Variants in DOCK8 observed in about 807,000 individuals in gnomAD.
DOCK8 encodes the protein dedicator of cytokinesis protein 8.
DOCK8 carries 141 observed loss-of-function variants against 245.6 expected under a neutral mutation model. The ratio of observed to expected loss-of-function variants is 0.57; its 90% CI spans 0.50 to 0.66. The LOEUF is 0.66. Ranked by LOEUF, DOCK8 falls within the 30% of genes least tolerant of loss-of-function variation. The pLI is 0.00. For synonymous variants in DOCK8, 1,168 were observed against 970.2 expected (o/e 1.20, Z -3.79); for missense variants, 2,965 against 2,603.4 (o/e 1.14, Z -3.02).
At chr9:423,886 T>A (rs1307342480) in intron 33 of DOCK8, among the ~76,000 whole-genome samples, 11 of 152,282 alleles carry the variant, frequency 7.2e-5, no homozygotes, top group Non-Finnish European at 4.4e-5. Flanking sequence ...CTGGGCTGTG[T>A]AAACTGGTGT....
chr9:215,069 GC>G, intron 1 of DOCK8, 40 bp downstream of exon 1: 1 of 1,545,946 alleles, frequency 6.5e-7, no homozygotes, highest in Non-Finnish European at 8.7e-7. Flanking sequence ...CGGCCGGACA[GC>G]CCAGCGCTGG....
At chr9:376,059 G>A (rs1034508100) in intron 18 of DOCK8, 151 bp from the exon 19 acceptor site, 1 of 682,878 alleles carries the variant, frequency 1.5e-6, no homozygotes, top group Non-Finnish European at 2.6e-6. Flanking sequence ...TGAATCCAGG[G>A]CTCCTGACTC....
Position 422,167 on chromosome 9 carries a change from A to G in DOCK8, c.4241+32A>G, listed in dbSNP as rs772664185. The G allele has an allele frequency of 1.0e-5, 16 of 1,580,388 alleles. No individual in the cohort carries two copies. The Admixed American group carries it at 2.7e-4, about 26-fold the overall frequency. On this transcript the variant is annotated intron_variant, in intron 33 of 47. Coordinates refer to ENST00000432829, the MANE Select transcript of DOCK8 (RefSeq NM_203447.4). ...CACTCGGCAACTTTCTGCTACTTTTACCTAAAGTCCAAAACTATTTTTCCC... is the reference window on the plus strand; with the variant it reads ...CACTCGGCAACTTTCTGCTACTTTTGCCTAAAGTCCAAAACTATTTTTCCC...
intron 39 of DOCK8, among the ~76,000 whole-genome samples, chr9:436,160 A>G (rs1389028744): frequency 1.3e-5 from 2 of 152,352 alleles, no homozygotes; most frequent in Non-Finnish European, 2.9e-5. Flanking sequence ...AAAGCTGGGT[A>G]TTGCCTCCTA....
chr9:329,007 T>A, intron 9 of DOCK8, among the ~76,000 whole-genome samples: 1 of 140,208 alleles, frequency 7.1e-6, no homozygotes, highest in African/African-American at 2.7e-5. Flanking sequence ...TGGAGTGCAG[T>A]GTCACCATGT....
chr9:333,492 T>A lies in DOCK8; in HGVS notation c.1126-733T>A, dbSNP rs145500938. On this transcript the variant is annotated intron_variant, in intron 10 of 47. Coordinates refer to ENST00000432829, the MANE Select transcript of DOCK8 (RefSeq NM_203447.4). Reference sequence around the variant, plus strand: ...GGCACGTGCCTGTATTCCCAGCTTCTCAGGAGGCTGAGGCAGGAGAATAGC... The same window carrying A: ...GGCACGTGCCTGTATTCCCAGCTTCACAGGAGGCTGAGGCAGGAGAATAGC... 3.2e-3 allele frequency among the ~76,000 whole-genome samples: 487 copies of A among 152,056 alleles called. 3 individuals are homozygous for A. Among genetic ancestry groups the A allele is most frequent in the African/African-American group, 0.011 (465 of 41,464 alleles).
At chr9:438,095 A>G (rs1229725767) in intron 39 of DOCK8, among the ~76,000 whole-genome samples, 1 of 152,220 alleles carries the variant, frequency 6.6e-6, no homozygotes, top group Non-Finnish European at 1.5e-5. Flanking sequence ...GCCTCCTCCT[A>G]TATTCCTAAA....
intron 6 of DOCK8, among the ~76,000 whole-genome samples, chr9:314,128 C>G (rs1258224596): frequency 6.6e-6 from 1 of 152,224 alleles, no homozygotes; most frequent in Non-Finnish European, 1.5e-5. Context: ...ATACATATGA[C>G]TACCTGGTAT....
In DOCK8 at chr9:448,965, G is replaced by C. The variant is rs887968924; in HGVS notation, c.5818-819G>C. On this transcript the variant is annotated intron_variant, in intron 44 of 47. Transcript: ENST00000432829. Reference sequence around the variant, plus strand: ...TTTACTGGAAATTCACCCTCAGTTGGAGAAGGCACAGGTGATATCAAAAGC... The same window carrying C: ...TTTACTGGAAATTCACCCTCAGTTGCAGAAGGCACAGGTGATATCAAAAGC... Among the ~76,000 whole-genome samples the C allele has an allele frequency of 2.0e-5, 3 of 152,208 alleles. No homozygotes were observed. The South Asian group carries it at 6.2e-4, about 31-fold the overall frequency.
At chr9:257,052 AAAT>A (rs1439162241) in intron 1 of DOCK8, among the ~76,000 whole-genome samples, 1 of 152,190 alleles carries the variant, frequency 6.6e-6, no homozygotes, top group East Asian at 1.9e-4. Flanking sequence ...TTCTTAAAGT[AAAT>A]AACAGTCAAC....
intron 40 of DOCK8, among the ~76,000 whole-genome samples, chr9:439,693 G>A (rs554687138): frequency 3.0e-4 from 46 of 152,312 alleles, no homozygotes; most frequent in African/African-American, 1.1e-3. Flanking sequence ...CCACAGAGAG[G>A]TGAAATGGCC....
intron 4 of DOCK8, among the ~76,000 whole-genome samples, chr9:290,806 T>C (rs1010115151): frequency 6.6e-6 from 1 of 152,224 alleles, no homozygotes; most frequent in Non-Finnish European, 1.5e-5. Context: ...TAAGAATTAC[T>C]ATTCTATGGG....
At chr9:306,177 C>G (rs1466884340) in intron 5 of DOCK8, among the ~76,000 whole-genome samples, 1 of 152,128 alleles carries the variant, frequency 6.6e-6, no homozygotes, top group African/African-American at 2.4e-5. Flanking sequence ...CTTCATAATA[C>G]AGGAATCTCA....
In DOCK8 at chr9:386,438, A is replaced by T. The variant is rs1471732054; in HGVS notation, c.2874+12A>T. 2 of 1,609,384 alleles carry T rather than the reference A, an allele frequency of 1.2e-6. No homozygotes were observed. The highest frequency in any genetic ancestry group is 2.2e-5 in the South Asian group (2 of 90,920). ...CAGCCAGCAAAAAGGTACTGAAGAGAGCAATGTGAGGTTCATCCCAGGATA... is the reference window on the plus strand; with the variant it reads ...CAGCCAGCAAAAAGGTACTGAAGAGTGCAATGTGAGGTTCATCCCAGGATA... On this transcript the variant is annotated intron_variant, in intron 23 of 47. Coordinates refer to ENST00000432829, the MANE Select transcript of DOCK8 (RefSeq NM_203447.4).
chr9:219,892 A>G (rs1001005883), intron 1 of DOCK8, among the ~76,000 whole-genome samples: 7 of 152,110 alleles, frequency 4.6e-5, no homozygotes, highest in Non-Finnish European at 1.0e-4. Flanking sequence ...GCGAGACTCT[A>G]TTTCAAAAAA....
chr9:429,787 A>T lies in DOCK8; in HGVS notation c.4559A>T (p.Asp1520Val), dbSNP rs758076065. The T allele has an allele frequency of 6.2e-7, 1 of 1,614,214 alleles. No individual in the cohort carries two copies. Among genetic ancestry groups the T allele is most frequent in the Non-Finnish European group, 8.5e-7 (1 of 1,180,034 alleles). ...CTGCACCACTGCAGCAGCAGCATGG[A>T]TGTCACCCGGAGCCAAGCCTGTGCC... ...QVLHHCSSSM[D>V]VTRSQACATL... The change falls in exon 36 of 48, where the codon GAT becomes GTT. Residue 1520 changes from aspartate to valine, a missense_variant. Physicochemically the swap from Asp to Val is radical, Grantham distance 152. Transcript: ENST00000432829.
chr9:368,407 C>G, intron 15 of DOCK8: 1 of 651,338 alleles, frequency 1.5e-6, no homozygotes, highest in South Asian at 1.8e-5. Context: ...TCCATACTGC[C>G]CATAGGACCA....
intron 2 of DOCK8, among the ~76,000 whole-genome samples, chr9:272,615 G>A (rs57510342): frequency 2.2e-3 from 338 of 152,212 alleles, no homozygotes; most frequent in African/African-American, 7.3e-3. Flanking sequence ...TTGAACTCCT[G>A]GGCTCAAGCG....
At chr9:284,681 T>C (rs757904790) in intron 2 of DOCK8, 3 of 152,110 alleles carry the variant, frequency 2.0e-5, no homozygotes, top group Non-Finnish European at 4.4e-5. Flanking sequence ...AGCAAAGACA[T>C]GGAATCAACT....
Sources: allele counts gnomAD v4.1 joint callset (sites outside exome capture counted in the v4.1 genomes callset), GRCh38; gene constraint gnomAD v4.1.1; transcripts MANE v1.5; gene names NCBI Gene and HGNC (gene_info 2026-07-23, HGNC 2026-07-21).